Variants in ELAVL1 observed in about 807,000 individuals in gnomAD.
ELAVL1 encodes the protein ELAV-like protein 1.
Under a neutral mutation model 28.4 loss-of-function variants are expected in ELAVL1, and 1 was observed. The observed-to-expected ratio is 0.04, with a 90% CI of 0.01 to 0.17. The LOEUF is 0.17. ELAVL1 is among the 10% of genes least tolerant of loss of function. The pLI is 1.00. For missense variants in ELAVL1, 157 were observed against 447.2 expected (o/e 0.35, Z 5.85); for synonymous variants, 174 against 183.5 (o/e 0.95, Z 0.42).
intron 1 of ELAVL1, among the ~76,000 whole-genome samples, chr19:7,992,076 G>C (rs950298819): frequency 6.6e-6 from 1 of 152,054 alleles, no homozygotes; most frequent in Non-Finnish European, 1.5e-5. Context: ...GAGTAGCTGG[G>C]ATTACAGGCG....
At chr19:7,966,978 A>C (rs1984972084) in intron 5 of ELAVL1, among the ~76,000 whole-genome samples, 1 of 151,664 alleles carries the variant, frequency 6.6e-6, no homozygotes, top group Non-Finnish European at 1.5e-5. Context: ...TGCGTGCTGA[A>C]GCTCTAAGTG....
At position 7,991,735 on chromosome 19, in the gene ELAVL1, G is replaced by A. The variant is rs775570537; in HGVS notation, c.81C>T (p.Leu27=). Residue 27 remains leucine, a synonymous_variant, in exon 2 of 6, where the codon CTC becomes CTT. Coordinates refer to ENST00000407627, the MANE Select transcript of ELAVL1 (RefSeq NM_001419.3). ...ACTCATCCTGGGTCATGTTCTGAGG[G>A]AGGTAGTTGACGATCAAATTCGTTC... The part of the protein sequence containing the change: ...IGRTNLIVNY[L]PQNMTQDELR... 9 of 1,614,046 alleles carry A rather than the reference G, an allele frequency of 5.6e-6. No individual in the cohort carries two copies. Among genetic ancestry groups the A allele is most frequent in the Non-Finnish European group, 7.6e-6 (9 of 1,180,042 alleles).
Position 7,991,635 on chromosome 19 carries a change from T to C in ELAVL1, c.172+9A>G. The C allele has an allele frequency of 1.2e-6, 2 of 1,605,992 alleles. No individual in the cohort carries two copies. The highest frequency in any genetic ancestry group is 1.7e-6 in the Non-Finnish European group (2 of 1,174,768). ...TACCCGGTTTACTAAAACGCCTCCA[T>C]TTCTTTACCTGCTACTTTATCCCGA... On this transcript the variant is annotated intron_variant, in intron 2 of 5. Coordinates refer to ENST00000407627, the MANE Select transcript of ELAVL1 (RefSeq NM_001419.3).
intron 3 of ELAVL1, among the ~76,000 whole-genome samples, chr19:7,974,161 G>A (rs1052575911): frequency 2.6e-5 from 4 of 152,202 alleles, no homozygotes; most frequent in African/African-American, 4.8e-5. Flanking sequence ...CTGAGGGCCC[G>A]CAGCTTGTGT....
chr19:7,990,736 T>A (rs1463523092), intron 2 of ELAVL1, among the ~76,000 whole-genome samples: 1 of 151,784 alleles, frequency 6.6e-6, no homozygotes, highest in Non-Finnish European at 1.5e-5. Context: ...CCGAGAGGAC[T>A]GGCCGCTCCT....
At chr19:7,992,829 C>A (rs35076940) in intron 1 of ELAVL1, among the ~76,000 whole-genome samples, 1 of 151,984 alleles carries the variant, frequency 6.6e-6, no homozygotes, top group African/African-American at 2.4e-5. Flanking sequence ...ATGGGTGTGG[C>A]GGCGCCATCA....
chr19:7,968,560 G>A (rs1201217332), intron 4 of ELAVL1, among the ~76,000 whole-genome samples: 1 of 152,242 alleles, frequency 6.6e-6, no homozygotes, highest in Non-Finnish European at 1.5e-5. Flanking sequence ...CCCTGTATGG[G>A]AAGGGCCAGG....
At chr19:8,003,841 G>T (rs1161148411) in intron 1 of ELAVL1, among the ~76,000 whole-genome samples, 1 of 152,128 alleles carries the variant, frequency 6.6e-6, no homozygotes, top group East Asian at 1.9e-4. Flanking sequence ...CTCTTTGTGG[G>T]CCTCGAAGTT....
intron 4 of ELAVL1, among the ~76,000 whole-genome samples, chr19:7,971,156 A>C (rs1364016751): frequency 5.9e-5 from 9 of 152,192 alleles, no homozygotes; most frequent in Admixed American, 2.0e-4. Flanking sequence ...ACCCTGGGAG[A>C]CACTATCTTG....
Position 8,003,083 on chromosome 19 carries a change from C to A in ELAVL1, c.-17+2412G>T, listed in dbSNP as rs188034994. Among the ~76,000 whole-genome samples the A allele has an allele frequency of 1.8e-3, 274 of 152,160 alleles. 1 individual carries two copies. The highest frequency in any genetic ancestry group is 6.1e-3 in the African/African-American group (254 of 41,512). On this transcript the variant is annotated intron_variant, in intron 1 of 5. Transcript: ENST00000407627. ...AAGTTTTTTCATAATTCTCTCATTT[C>A]TTTTACTTGAAATAGCACCATGGGC... is the stretch of plus-strand genomic sequence containing the variant.
chr19:7,999,036 T>A (rs2081058531), intron 1 of ELAVL1, among the ~76,000 whole-genome samples: 1 of 152,076 alleles, frequency 6.6e-6, no homozygotes, highest in Non-Finnish European at 1.5e-5. Flanking sequence ...AGTGCTGGGA[T>A]TATAGGTGAG....
intron 4 of ELAVL1, among the ~76,000 whole-genome samples, chr19:7,972,568 C>T (rs1276651795): frequency 2.0e-5 from 3 of 152,218 alleles, no homozygotes; most frequent in Non-Finnish European, 4.4e-5. Context: ...CAGACTACTG[C>T]ACCCCAAATG....
rs1406647484 is a variant in ELAVL1, at chr19:7,982,992, G to C, written c.173-1806C>G. On this transcript the variant is annotated intron_variant, in intron 2 of 5. Transcript: ENST00000407627. This position sits in a 1 kb window ranked among gnomAD's most constrained non-coding sequence, Gnocchi z 4.3. The stretch of plus-strand genomic sequence containing the variant: ...CTGGGCCGAGGCAGTCAGTTTGCCA[G>C]GTTTCTTGGCTGTAAAGTGACTCCC... Among the ~76,000 whole-genome samples, 1 of 152,220 alleles carries C rather than the reference G, an allele frequency of 6.6e-6. No individual in the cohort carries two copies. The highest frequency in any genetic ancestry group is 6.5e-5 in the Admixed American group (1 of 15,280).
chr19:8,001,626 T>TA (rs1218181799), intron 1 of ELAVL1, among the ~76,000 whole-genome samples: 59 of 145,362 alleles, frequency 4.1e-4, no homozygotes, highest in East Asian at 2.7e-3. Flanking sequence ...GTCTCACTCT[T>TA]AAAAAAAATT....
chr19:8,004,125 G>A (rs935165613), intron 1 of ELAVL1, among the ~76,000 whole-genome samples: 4 of 152,180 alleles, frequency 2.6e-5, no homozygotes, highest in African/African-American at 9.7e-5. Context: ...AAGGACTGCA[G>A]ACAAACGTCC....
At chr19:7,998,196 C>T (rs1179910762) in intron 1 of ELAVL1, among the ~76,000 whole-genome samples, 3 of 152,150 alleles carry the variant, frequency 2.0e-5, no homozygotes, top group African/African-American at 7.2e-5. Flanking sequence ...AAATCTGCAT[C>T]ATCAATCCTG....
At chr19:7,988,253 A>G (rs552046866) in intron 2 of ELAVL1, among the ~76,000 whole-genome samples, 1 of 152,150 alleles carries the variant, frequency 6.6e-6, no homozygotes, top group Non-Finnish European at 1.5e-5. Context: ...CAGGTCAGTT[A>G]GGAATATACT....
At chr19:7,980,245 G>A (rs549673259) in intron 3 of ELAVL1, among the ~76,000 whole-genome samples, 3 of 152,262 alleles carry the variant, frequency 2.0e-5, no homozygotes, top group South Asian at 4.1e-4. Context: ...AGGAAGCCCA[G>A]TTGCAGGGGC....
intron 1 of ELAVL1, among the ~76,000 whole-genome samples, chr19:7,999,690 C>T (rs1568317894): frequency 1.3e-5 from 2 of 152,168 alleles, no homozygotes; most frequent in Non-Finnish European, 2.9e-5. Flanking sequence ...TCAGGTGATC[C>T]TCCCACCTAA....
Sources: gnomAD v4.1 joint callset for allele counts (sites outside exome capture counted in the v4.1 genomes callset) on GRCh38, gnomAD v4.1.1 for gene constraint, Gnocchi (gnomAD v3.1) non-coding constraint, MANE v1.5 for transcripts, NCBI Gene and HGNC (gene_info 2026-07-23, HGNC 2026-07-21) for gene names.